The following EPS15 variants were observed in gnomAD, a reference collection of about 807,000 sequenced individuals.
EPS15 encodes the protein epidermal growth factor receptor substrate 15.
A neutral mutation model predicts 113.8 loss-of-function variants in EPS15; 72 were observed. The observed-to-expected ratio is 0.63, with a 90% CI of 0.52 to 0.77. EPS15 has a LOEUF of 0.77. Among genes scored for constraint, EPS15 ranks in the 30% least tolerant of loss-of-function variants. The probability of loss-of-function intolerance (pLI) is 0.00; values close to 1 mark genes in which losing one functional copy is unlikely to be tolerated. For missense variants in EPS15, 1,048 were observed against 1,045.8 expected, an observed-to-expected ratio of 1.00 and a Z score of -0.03; for synonymous variants, 344 against 363.4, an observed-to-expected ratio of 0.95 and a Z score of 0.61.
intron 12 of EPS15, among the ~76,000 whole-genome samples, chr1:51,433,179 T>C (rs559986933): frequency 2.0e-5 from 3 of 152,264 alleles, no homozygotes; most frequent in African/African-American, 4.8e-5. Flanking sequence ...CCTGGCTACA[T>C]AGTTCCATTC....
At chr1:51,503,401 T>C (rs889612884) in intron 1 of EPS15, among the ~76,000 whole-genome samples, 5 of 152,124 alleles carry the variant, frequency 3.3e-5, no homozygotes, top group African/African-American at 1.2e-4. Flanking sequence ...TTTGGGAGGC[T>C]GAGGCGGGTG....
intron 1 of EPS15, among the ~76,000 whole-genome samples, chr1:51,504,695 G>A (rs546271616): frequency 1.4e-4 from 22 of 152,064 alleles, no homozygotes; most frequent in Admixed American, 6.5e-4. Flanking sequence ...AATGAAAATC[G>A]AAAACACAAT....
intron 21 of EPS15, among the ~76,000 whole-genome samples, chr1:51,371,444 T>C (rs1160384757): frequency 3.3e-5 from 5 of 152,012 alleles, no homozygotes; most frequent in Admixed American, 3.3e-4. Flanking sequence ...CTCATGTTTG[T>C]TTGTGTATTA....
chr1:51,489,003 G>A (rs568255035), intron 1 of EPS15, among the ~76,000 whole-genome samples: 4 of 151,866 alleles, frequency 2.6e-5, no homozygotes, highest in African/African-American at 9.7e-5. Flanking sequence ...GAAAAATACA[G>A]CAACACGAGA....
chr1:51,381,629 TAAAAC>T (rs1343455077), intron 21 of EPS15, among the ~76,000 whole-genome samples: 2 of 151,822 alleles, frequency 1.3e-5, no homozygotes, highest in African/African-American at 4.8e-5. Context: ...CTCTTCCAAT[TAAAAC>T]AGAATAAAAC....
chr1:51,422,344 A>G (rs1278935195), intron 12 of EPS15, among the ~76,000 whole-genome samples: 1 of 152,226 alleles, frequency 6.6e-6, no homozygotes, highest in Non-Finnish European at 1.5e-5. Flanking sequence ...GTGTGCATCA[A>G]TTTTAGAATG....
intron 23 of EPS15, among the ~76,000 whole-genome samples, chr1:51,361,848 C>A (rs552915732): frequency 6.6e-6 from 1 of 152,262 alleles, no homozygotes; most frequent in Admixed American, 6.5e-5. Flanking sequence ...ACATACAATA[C>A]CTAAGAGCAT....
intron 1 of EPS15, among the ~76,000 whole-genome samples, chr1:51,484,668 G>A (rs1351019139): frequency 6.6e-6 from 1 of 152,178 alleles, no homozygotes; most frequent in Admixed American, 6.5e-5. Context: ...TGCAAGGGGA[G>A]TGCATAGACT....
chr1:51,480,463 T>C (rs1323528269), intron 2 of EPS15, among the ~76,000 whole-genome samples: 4 of 152,198 alleles, frequency 2.6e-5, no homozygotes, highest in Non-Finnish European at 1.5e-5. Flanking sequence ...CAAATGAATA[T>C]TGTCTGGTGA....
intron 1 of EPS15, among the ~76,000 whole-genome samples, chr1:51,487,948 G>GA (rs909586700): frequency 1.2e-4 from 18 of 150,356 alleles, no homozygotes; most frequent in Admixed American, 3.3e-4. Flanking sequence ...TTTAGGCAGG[G>GA]AAAAAAAAAT....
chr1:51,386,241 T>A (rs76008360), intron 21 of EPS15, among the ~76,000 whole-genome samples: 4,864 of 152,288 alleles, frequency 0.032, 126 homozygotes, highest in Non-Finnish European at 0.05. Flanking sequence ...GGAGCTTAAT[T>A]TCTAATAGGA....
intron 1 of EPS15, among the ~76,000 whole-genome samples, chr1:51,497,880 G>C (rs551541771): frequency 6.6e-6 from 1 of 151,614 alleles, no homozygotes; most frequent in Admixed American, 6.6e-5. Context: ...GGGAGGCTGA[G>C]ACAGGAGAAT....
At chr1:51,403,957 A>C (rs1478842370) in intron 16 of EPS15, among the ~76,000 whole-genome samples, 1 of 152,176 alleles carries the variant, frequency 6.6e-6, no homozygotes, top group Non-Finnish European at 1.5e-5. Context: ...TAATAGCTCT[A>C]AAATGTGGAT....
intron 13 of EPS15, among the ~76,000 whole-genome samples, chr1:51,418,404 A>C (rs1204489646): frequency 6.6e-6 from 1 of 152,082 alleles, no homozygotes; most frequent in Non-Finnish European, 1.5e-5. Flanking sequence ...GGACGAACAG[A>C]TTTGGCCTTA....
intron 1 of EPS15, 79 bp from the exon 2 acceptor site, chr1:51,481,393 T>C: frequency 1.4e-6 from 1 of 736,226 alleles, no homozygotes; most frequent in Non-Finnish European, 2.4e-6. Context: ...TCAACAGATA[T>C]TTGAGAAACA....
chr1:51,460,295 G>C (rs997438128), intron 8 of EPS15, among the ~76,000 whole-genome samples: 1 of 152,188 alleles, frequency 6.6e-6, no homozygotes, highest in African/African-American at 2.4e-5. Flanking sequence ...AAACCTTTAA[G>C]GAAGAGGTGA....
intron 20 of EPS15, among the ~76,000 whole-genome samples, chr1:51,397,621 C>T (rs751712969): frequency 5.9e-5 from 9 of 152,112 alleles, no homozygotes; most frequent in Non-Finnish European, 1.2e-4. Context: ...TATCCAGCAG[C>T]CCAGGGAAAC....
At chr1:51,375,821 AAAAC>A (rs1167917673) in intron 21 of EPS15, among the ~76,000 whole-genome samples, 5 of 152,244 alleles carry the variant, frequency 3.3e-5, no homozygotes, top group African/African-American at 7.2e-5. Flanking sequence ...AAAACAAAAC[AAAAC>A]AAACAAACCA....
At chr1:51,404,804 C>T (rs887827486) in intron 16 of EPS15, among the ~76,000 whole-genome samples, 1 of 152,122 alleles carries the variant, frequency 6.6e-6, no homozygotes, top group African/African-American at 2.4e-5. Flanking sequence ...TTAAAATATA[C>T]ATATCTGGCT....
Sources: gnomAD v4.1 joint callset for allele counts (sites outside exome capture counted in the v4.1 genomes callset) on GRCh38, gnomAD v4.1.1 for gene constraint, MANE v1.5 for transcripts, NCBI Gene and HGNC (gene_info 2026-07-23, HGNC 2026-07-21) for gene names.